The following CPNE8 variants were observed in gnomAD, a reference collection of about 807,000 sequenced individuals.
CPNE8 encodes the protein copine-8.
CPNE8 carries 45 observed loss-of-function variants against 81.5 expected under a neutral mutation model. The observed-to-expected ratio is 0.55, with a 90% CI of 0.44 to 0.71. CPNE8 has a LOEUF of 0.71. CPNE8 is among the 30% of genes least tolerant of loss of function. CPNE8 has a pLI of 0.00. For synonymous variants in CPNE8, 252 were observed against 226.3 expected (o/e 1.11, Z -1.02); for missense variants, 594 against 672.1 (o/e 0.88, Z 1.28).
chr12:38,824,083 C>G (rs1048808809), intron 6 of CPNE8, among the ~76,000 whole-genome samples: 4 of 152,052 alleles, frequency 2.6e-5, no homozygotes, highest in Non-Finnish European at 5.9e-5. Context: ...AAGCTTAAAT[C>G]CAACAGAACA....
At position 38,847,952 on chromosome 12, in the gene CPNE8, T is replaced by C. The variant is rs78184508; in HGVS notation, c.290+607A>G. Among the ~76,000 whole-genome samples the C allele has an allele frequency of 1.2e-4, 18 of 152,180 alleles. No individual in the cohort carries two copies. The East Asian group carries it at 3.5e-3, about 29-fold the overall frequency. On this transcript the variant is annotated intron_variant, in intron 4 of 19. Coordinates refer to ENST00000331366, the MANE Select transcript of CPNE8 (RefSeq NM_153634.3). ...TTTCCTTTTAACCATATCCAGATAC[T>C]TCAACAATCACTACAGTTCACTTCT... is the stretch of plus-strand genomic sequence containing the variant.
At chr12:38,759,391 A>T (rs1485142171) in intron 10 of CPNE8, among the ~76,000 whole-genome samples, 1 of 152,222 alleles carries the variant, frequency 6.6e-6, no homozygotes, top group East Asian at 1.9e-4. Flanking sequence ...AGCAAAACTC[A>T]TTATCTCAGT....
At chr12:38,809,834 G>A (rs1018052515) in intron 6 of CPNE8, among the ~76,000 whole-genome samples, 1 of 152,158 alleles carries the variant, frequency 6.6e-6, no homozygotes, top group African/African-American at 2.4e-5. Flanking sequence ...TCAGGGACCT[G>A]TGGCTGTAAA....
chr12:38,757,497 T>G (rs1941484208), intron 10 of CPNE8, among the ~76,000 whole-genome samples: 1 of 152,006 alleles, frequency 6.6e-6, no homozygotes, highest in Non-Finnish European at 1.5e-5. Context: ...TTAAAAAACT[T>G]TTATGTATTA....
At chr12:38,731,050 A>C (rs1360505537) in intron 10 of CPNE8, among the ~76,000 whole-genome samples, 2 of 151,970 alleles carry the variant, frequency 1.3e-5, no homozygotes, top group East Asian at 3.9e-4. Flanking sequence ...AACTACAAAA[A>C]CATGCTAAAC....
chr12:38,730,022 G>C (rs1401729731), intron 11 of CPNE8, among the ~76,000 whole-genome samples: 1 of 151,926 alleles, frequency 6.6e-6, no homozygotes, highest in African/African-American at 2.4e-5. Flanking sequence ...AAAGGCTGAA[G>C]CTTAAGAAAC....
intron 15 of CPNE8, 62 bp from the exon 16 acceptor site, chr12:38,685,679 A>T: frequency 1.3e-6 from 2 of 1,547,558 alleles, no homozygotes; most frequent in Non-Finnish European, 1.8e-6. Flanking sequence ...CTCCATGAAG[A>T]TCAATTGAAA....
intron 6 of CPNE8, among the ~76,000 whole-genome samples, chr12:38,777,578 G>T (rs1941962306): frequency 6.6e-6 from 1 of 152,082 alleles, no homozygotes; most frequent in Non-Finnish European, 1.5e-5. Context: ...GACTCACCCA[G>T]AGCAACTTCC....
At chr12:38,819,943 T>C (rs1358557389) in intron 6 of CPNE8, among the ~76,000 whole-genome samples, 1 of 152,138 alleles carries the variant, frequency 6.6e-6, no homozygotes, top group East Asian at 1.9e-4. Flanking sequence ...ACTAATATTC[T>C]TAGCCTGCAT....
intron 10 of CPNE8, among the ~76,000 whole-genome samples, chr12:38,748,698 T>C (rs1941291854): frequency 6.6e-6 from 1 of 151,884 alleles, no homozygotes. Flanking sequence ...AGAGACGGGG[T>C]TTCACAGTGT....
intron 17 of CPNE8, 58 bp downstream of exon 17, chr12:38,677,394 C>A: frequency 1.1e-6 from 1 of 909,388 alleles, no homozygotes; most frequent in South Asian, 1.3e-5. Flanking sequence ...TCTAGTCTCT[C>A]TCTAAGTAGC....
intron 10 of CPNE8, among the ~76,000 whole-genome samples, chr12:38,750,113 C>T (rs1243703651): frequency 6.6e-6 from 1 of 152,144 alleles, no homozygotes; most frequent in Non-Finnish European, 1.5e-5. Flanking sequence ...AGGCCAAGTG[C>T]AACCTGACCT....
intron 19 of CPNE8, among the ~76,000 whole-genome samples, chr12:38,668,386 G>A (rs932379742): frequency 2.0e-5 from 3 of 152,030 alleles, no homozygotes; most frequent in East Asian, 1.9e-4. Context: ...GATTAGTTTC[G>A]TGATCAAGGA....
intron 19 of CPNE8, among the ~76,000 whole-genome samples, chr12:38,662,325 A>G (rs150827044): frequency 6.6e-6 from 1 of 152,314 alleles, no homozygotes; most frequent in Non-Finnish European, 1.5e-5. Context: ...ATACAAAATC[A>G]ACATACAACC....
chr12:38,696,825 G>A (rs1020703102), intron 14 of CPNE8, among the ~76,000 whole-genome samples: 7 of 152,062 alleles, frequency 4.6e-5, no homozygotes, highest in South Asian at 4.1e-4. Context: ...TGGGTGGATC[G>A]CTTTGAGCTC....
At chr12:38,861,166 A>G (rs1427753831) in intron 3 of CPNE8, among the ~76,000 whole-genome samples, 3 of 152,170 alleles carry the variant, frequency 2.0e-5, no homozygotes, top group Non-Finnish European at 4.4e-5. Context: ...TTCCACTTAC[A>G]TGAGGTATCT....
At chr12:38,776,151 A>T in intron 7 of CPNE8, 87 bp downstream of exon 7, 1 of 585,948 alleles carries the variant, frequency 1.7e-6, no homozygotes, top group Non-Finnish European at 2.8e-6. Flanking sequence ...TGCTACAATT[A>T]CTTAAAAATT....
At position 38,795,363 on chromosome 12, in the gene CPNE8, C is replaced by T. The variant is rs1180024073; in HGVS notation, c.408-19062G>A. On this transcript the variant is annotated intron_variant, in intron 6 of 19. Coordinates refer to ENST00000331366, the MANE Select transcript of CPNE8 (RefSeq NM_153634.3). ...TAGATCTACCATATGATCCGCAATC[C>T]CACTTCCATGTGTATATTCAAAATA... 3.9e-5 allele frequency among the ~76,000 whole-genome samples: 6 copies of T among 152,136 alleles called. No individual in the cohort carries two copies. In the East Asian group the frequency reaches 7.7e-4, roughly 20 times the overall value.
intron 10 of CPNE8, among the ~76,000 whole-genome samples, chr12:38,733,504 A>G (rs924561304): frequency 6.6e-6 from 1 of 151,968 alleles, no homozygotes; most frequent in African/African-American, 2.4e-5. Context: ...ACCACAACCA[A>G]TAATTTCCTT....
Sources: allele counts gnomAD v4.1 joint callset (sites outside exome capture counted in the v4.1 genomes callset), GRCh38; gene constraint gnomAD v4.1.1; transcripts MANE v1.5; gene names NCBI Gene and HGNC (gene_info 2026-07-23, HGNC 2026-07-21).